Variants in VIT observed in about 807,000 individuals in gnomAD.
VIT encodes the protein vitrin.
VIT carries 99 observed loss-of-function variants against 78.0 expected under a neutral mutation model. The observed-to-expected ratio is 1.27, with a 90% confidence interval of 1.08 to 1.50. The LOEUF (loss-of-function observed/expected upper bound fraction) is 1.50, where lower values mean the gene tolerates loss of function less well. VIT is among the 40% of genes most tolerant of loss of function. VIT has a pLI of 0.00. For synonymous variants in VIT, 374 were observed against 334.3 expected (o/e 1.12, Z -1.29); for missense variants, 1,126 against 875.3 (o/e 1.29, Z -3.61).
intron 14 of VIT, 49 bp downstream of exon 14, chr2:36,805,713 T>C (rs979025921): frequency 1.9e-6 from 3 of 1,574,236 alleles, no homozygotes; most frequent in Non-Finnish European, 1.7e-6. Flanking sequence ...TTCTGCACTC[T>C]GAAAAATTGT....
intron 10 of VIT, among the ~76,000 whole-genome samples, chr2:36,782,528 C>T (rs1370998020): frequency 1.3e-5 from 2 of 152,240 alleles, no homozygotes; most frequent in Non-Finnish European, 2.9e-5. Context: ...CGGGGAATCC[C>T]GGAACTTCCG....
At chr2:36,715,126 C>T (rs1351648224) in intron 1 of VIT, among the ~76,000 whole-genome samples, 1 of 152,132 alleles carries the variant, frequency 6.6e-6, no homozygotes, top group Non-Finnish European at 1.5e-5. Flanking sequence ...CCCATGGCTG[C>T]CATAGTCTCT....
intron 6 of VIT, chr2:36,759,549 G>C (rs1218977137): frequency 9.3e-7 from 1 of 1,078,040 alleles, no homozygotes; most frequent in Non-Finnish European, 1.1e-6. Context: ...GGGAGTATCG[G>C]TAGACCTCAG....
intron 1 of VIT, among the ~76,000 whole-genome samples, chr2:36,702,405 A>T (rs1558498166): frequency 6.9e-6 from 1 of 144,342 alleles, no homozygotes; most frequent in East Asian, 2.5e-4. Context: ...AGCTCAGAGG[A>T]TTTTTTTTTT....
chr2:36,716,877 T>G (rs1222122303), intron 2 of VIT, among the ~76,000 whole-genome samples: 1 of 140,892 alleles, frequency 7.1e-6, no homozygotes, highest in African/African-American at 2.7e-5. Context: ...TTCTTTTTTT[T>G]TTTTTTTTTT....
At position 36,813,129 on chromosome 2, in the gene VIT, C is replaced by T. The variant is rs547444707; in HGVS notation, c.1904-1054C>T. Among the ~76,000 whole-genome samples the T allele has an allele frequency of 3.3e-5, 5 of 150,718 alleles. No individual in the cohort carries two copies. In the East Asian group the frequency reaches 7.9e-4, roughly 24 times the overall value. On this transcript the variant is annotated intron_variant, in intron 15 of 15. Transcript: ENST00000379242. ...TGCTGGGATTACAGGCATGCGCCACCGCACCCAGCCTGTTTTTGCTTTTTT... is the reference window on the plus strand; with the variant it reads ...TGCTGGGATTACAGGCATGCGCCACTGCACCCAGCCTGTTTTTGCTTTTTT...
At chr2:36,801,539 G>A (rs113510136) in intron 13 of VIT, 135 bp downstream of exon 13, 15,041 of 766,342 alleles carry the variant, frequency 0.02, 1,112 homozygotes, top group African/African-American at 0.19. Flanking sequence ...CGGGCGTGGT[G>A]GTTCACACCT....
chr2:36,781,655 G>T lies in VIT; in HGVS notation c.803-72G>T, dbSNP rs1468507702. On this transcript the variant is annotated intron_variant, in intron 9 of 15. Transcript: ENST00000379242. ...ACAATTGGGAAACCTTATCATCCCG[G>T]CAATTCACTCAAGAGTTTCTGCTGG... The T allele has an allele frequency of 3.2e-6, 5 of 1,547,650 alleles. No homozygotes were observed. In the Admixed American group the frequency reaches 8.4e-5, roughly 26 times the overall value.
chr2:36,792,118 C>A (rs1313880896), intron 12 of VIT, among the ~76,000 whole-genome samples: 1 of 152,122 alleles, frequency 6.6e-6, no homozygotes, highest in African/African-American at 2.4e-5. Flanking sequence ...CTGCCTCAGA[C>A]CTATTAAACC....
chr2:36,727,466 T>C (rs7560907), intron 2 of VIT, among the ~76,000 whole-genome samples: 3,375 of 152,288 alleles, frequency 0.022, 150 homozygotes, highest in African/African-American at 0.077. Context: ...CCTCCATCAT[T>C]AATTCATGGG....
At chr2:36,765,446 A>AGAGAGG (rs1669372300) in intron 6 of VIT, among the ~76,000 whole-genome samples, 1 of 150,534 alleles carries the variant, frequency 6.6e-6, no homozygotes, top group Admixed American at 6.6e-5. Flanking sequence ...AGAGAGAGAG[A>AGAGAGG]GGAAAAACTG....
At chr2:36,708,926 G>C (rs1203217627) in intron 1 of VIT, among the ~76,000 whole-genome samples, 1 of 152,190 alleles carries the variant, frequency 6.6e-6, no homozygotes, top group African/African-American at 2.4e-5. Context: ...AAGGCGGGCA[G>C]ATCACCTGAA....
At chr2:36,748,556 T>G (rs894008711) in intron 4 of VIT, among the ~76,000 whole-genome samples, 2 of 152,232 alleles carry the variant, frequency 1.3e-5, no homozygotes, top group South Asian at 4.1e-4. Flanking sequence ...TATTATGAAA[T>G]TCCTGTAGTA....
chr2:36,731,096 T>G (rs10191225), intron 3 of VIT, among the ~76,000 whole-genome samples: 2,944 of 151,942 alleles, frequency 0.019, 121 homozygotes, highest in African/African-American at 0.068. Flanking sequence ...TTAAACTGTC[T>G]TCTGCTTGGA....
At chr2:36,712,802 T>A (rs1201428311) in intron 1 of VIT, among the ~76,000 whole-genome samples, 4 of 152,220 alleles carry the variant, frequency 2.6e-5, no homozygotes, top group Non-Finnish European at 5.9e-5. Flanking sequence ...AGCATTGCAC[T>A]CCAGCCTGGG....
At position 36,743,128 on chromosome 2, in the gene VIT, A is replaced by G; in HGVS notation, c.147A>G (p.Lys49=). Residue 49 remains lysine (K), a synonymous_variant, in exon 4 of 16, where the codon AAA becomes AAG. Coordinates refer to ENST00000379242, the MANE Select transcript of VIT (RefSeq NM_053276.4). Reference sequence around the variant, plus strand: ...TGCCTCAGATCAACTGCGATGTCAAAGCCGGAAAGATCATCGATCCTGAGT... The same window carrying G: ...TGCCTCAGATCAACTGCGATGTCAAGGCCGGAAAGATCATCGATCCTGAGT... ...FTVPQINCDV[K]AGKIIDPEFI... The G allele has an allele frequency of 1.2e-6, 2 of 1,614,098 alleles. No homozygotes were observed. The highest frequency in any genetic ancestry group is 1.7e-6 in the Non-Finnish European group (2 of 1,179,968).
At chr2:36,712,813 C>T (rs190717230) in intron 1 of VIT, among the ~76,000 whole-genome samples, 7 of 152,308 alleles carry the variant, frequency 4.6e-5, no homozygotes, top group South Asian at 2.1e-4. Context: ...CCAGCCTGGG[C>T]GACAGAGCGA....
chr2:36,770,399 A>G (rs961879334), intron 7 of VIT, among the ~76,000 whole-genome samples: 3 of 152,240 alleles, frequency 2.0e-5, no homozygotes, highest in Non-Finnish European at 4.4e-5. Context: ...CGGAAAGTAC[A>G]TAGCAGGAAG....
chr2:36,808,945 C>A lies in VIT; in HGVS notation c.1863C>A (p.Tyr621Ter), dbSNP rs773554852. ...TCCTCATCACCGACGGGAGGTCCTA[C>A]GACGACGTCCGGATCCCAGCCATGG... ...LMILITDGRS[Y>*]DDVRIPAMAA... Residue 621 changes from tyrosine (Y) to a stop codon, truncating the protein, a stop_gained, in exon 15 of 16, where the codon TAC becomes TAA. Coordinates refer to ENST00000379242, the MANE Select transcript of VIT (RefSeq NM_053276.4). LOFTEE classifies it high-confidence loss of function. 1.9e-6 allele frequency: 3 copies of A among 1,606,150 alleles called. No individual in the cohort carries two copies. Among genetic ancestry groups the A allele is most frequent in the East Asian group, 2.2e-5 (1 of 44,750 alleles).
Sources: gnomAD v4.1 joint callset for allele counts (sites outside exome capture counted in the v4.1 genomes callset) on GRCh38, gnomAD v4.1.1 for gene constraint, MANE v1.5 for transcripts, NCBI Gene and HGNC (gene_info 2026-07-23, HGNC 2026-07-21) for gene names.